TIAM1: variants seen among roughly 807,000 people sequenced by gnomAD.
The protein encoded by TIAM1 is rho guanine nucleotide exchange factor TIAM1.
In TIAM1, 65 loss-of-function variants were observed where a neutral mutation model predicts 163.5. That is an observed-to-expected ratio of 0.40 (90% confidence interval 0.33 to 0.49). The LOEUF is 0.49. Among genes scored for constraint, TIAM1 ranks in the 20% least tolerant of loss-of-function variants. TIAM1 has a pLI of 0.77. For synonymous variants in TIAM1, 833 were observed against 810.1 expected (o/e 1.03, Z -0.48); for missense variants, 1,789 against 2,044.7 (o/e 0.87, Z 2.41).
intron 2 of TIAM1, among the ~76,000 whole-genome samples, chr21:31,442,175 G>T (rs2044458193): frequency 6.8e-6 from 1 of 146,814 alleles, no homozygotes; most frequent in Non-Finnish European, 1.5e-5. Flanking sequence ...GCCAAGGAGT[G>T]AAGCTGAGAG....
intron 2 of TIAM1, among the ~76,000 whole-genome samples, chr21:31,430,424 T>G (rs184770012): frequency 1.1e-4 from 17 of 151,806 alleles, no homozygotes; most frequent in African/African-American, 3.9e-4. Context: ...ACTTGTTAAA[T>G]GAATATTTAC....
intron 1 of TIAM1, among the ~76,000 whole-genome samples, chr21:31,524,173 T>C (rs1364364600): frequency 6.6e-6 from 1 of 152,138 alleles, no homozygotes; most frequent in Non-Finnish European, 1.5e-5. Context: ...GGGTAATTTA[T>C]ATAGAAAAGA....
chr21:31,337,335 GGTA>G (rs1218740166), intron 2 of TIAM1, among the ~76,000 whole-genome samples: 3 of 151,950 alleles, frequency 2.0e-5, no homozygotes, highest in Non-Finnish European at 4.4e-5. Flanking sequence ...GAGACTACCA[GGTA>G]GTTGGCCAAA....
At chr21:31,507,876 TG>T (rs1287154809) in intron 1 of TIAM1, among the ~76,000 whole-genome samples, 1 of 152,176 alleles carries the variant, frequency 6.6e-6, no homozygotes, top group African/African-American at 2.4e-5. Context: ...AAAGATATGC[TG>T]AAGTCCTACC....
intron 2 of TIAM1, among the ~76,000 whole-genome samples, chr21:31,402,826 C>T (rs1418325052): frequency 6.6e-6 from 1 of 152,080 alleles, no homozygotes; most frequent in African/African-American, 2.4e-5. Flanking sequence ...GTAGCAGGCA[C>T]CTGTAGTCCC....
chr21:31,218,842 AT>A (rs1397082127), intron 8 of TIAM1, among the ~76,000 whole-genome samples: 1 of 152,070 alleles, frequency 6.6e-6, no homozygotes, highest in African/African-American at 2.4e-5. Context: ...CTTTTCAAGG[AT>A]GGCAGAATAA....
chr21:31,132,710 C>G (rs1365467324), intron 23 of TIAM1, among the ~76,000 whole-genome samples: 2 of 152,150 alleles, frequency 1.3e-5, no homozygotes, highest in Non-Finnish European at 2.9e-5. Flanking sequence ...CAGCCTCTCC[C>G]TTAAACTTTC....
At chr21:31,270,703 A>G (rs1001710271) in intron 3 of TIAM1, among the ~76,000 whole-genome samples, 1 of 152,190 alleles carries the variant, frequency 6.6e-6, no homozygotes, top group African/African-American at 2.4e-5. Context: ...TTCTTAAAAC[A>G]CTATGAGATT....
chr21:31,134,129 C>A (rs1352093428), intron 23 of TIAM1, among the ~76,000 whole-genome samples: 1 of 152,056 alleles, frequency 6.6e-6, no homozygotes, highest in African/African-American at 2.4e-5. Context: ...CCCATTTTCT[C>A]CTACTTAAAT....
At chr21:31,430,131 G>A (rs1402684413) in intron 2 of TIAM1, among the ~76,000 whole-genome samples, 2 of 150,972 alleles carry the variant, frequency 1.3e-5, no homozygotes, top group Non-Finnish European at 2.9e-5. Flanking sequence ...GCTTGAACCC[G>A]GGAGATGGAG....
At chr21:31,197,399 G>A (rs970459486) in intron 12 of TIAM1, among the ~76,000 whole-genome samples, 4 of 146,002 alleles carry the variant, frequency 2.7e-5, no homozygotes, top group Non-Finnish European at 4.5e-5. Context: ...TTTTTGAGAC[G>A]GAGTCTCGCT....
chr21:31,199,454 C>A (rs1489540101), intron 12 of TIAM1, among the ~76,000 whole-genome samples: 1 of 151,948 alleles, frequency 6.6e-6, no homozygotes, highest in Non-Finnish European at 1.5e-5. Flanking sequence ...CCTCCTCAAA[C>A]ACCAGGTAAG....
At chr21:31,444,930 G>A (rs538819478) in intron 2 of TIAM1, among the ~76,000 whole-genome samples, 4 of 152,142 alleles carry the variant, frequency 2.6e-5, no homozygotes, top group South Asian at 2.1e-4. Context: ...CCTGGGAGGC[G>A]GAGGTTGCAG....
chr21:31,241,536 C>T (rs2833348), intron 6 of TIAM1, among the ~76,000 whole-genome samples: 35,990 of 152,108 alleles, frequency 0.24, 6,886 homozygotes, highest in African/African-American at 0.5. Context: ...CTAAATATTT[C>T]ACAGATTTTA....
At position 31,475,025 on chromosome 21, in the gene TIAM1, TTTA is replaced by T. The variant is rs550390061; in HGVS notation, c.-421-10993_-421-10991del. Among the ~76,000 whole-genome samples the T allele has an allele frequency of 3.8e-3, 448 of 118,676 alleles. 1 individual carries two copies. Among genetic ancestry groups the T allele is most frequent in the South Asian group, 8.7e-3 (34 of 3,922 alleles). The allele number at this position is 118,676 out of a possible 152,430, so 77.9% of individuals were successfully genotyped here. ...CATATAAGTTGCTGTGAGCTAGTTT[TTTA>T]TTATTATTATTATTATTATTATTAT... On this transcript the variant is annotated intron_variant, in intron 1 of 28. Coordinates refer to the TIAM1 transcript ENST00000286827.
At chr21:31,296,874 A>G (rs1054274628) in intron 2 of TIAM1, among the ~76,000 whole-genome samples, 6 of 152,192 alleles carry the variant, frequency 3.9e-5, no homozygotes, top group African/African-American at 7.2e-5. Flanking sequence ...CGTGTTAGCC[A>G]GGATGGTCTT....
chr21:31,477,813 G>A (rs1461452115), intron 1 of TIAM1, among the ~76,000 whole-genome samples: 1 of 152,158 alleles, frequency 6.6e-6, no homozygotes, highest in African/African-American at 2.4e-5. Flanking sequence ...GAGGAAGGAA[G>A]GCAGCATGTT....
chr21:31,215,125 A>C (rs2087108162), intron 9 of TIAM1, among the ~76,000 whole-genome samples: 1 of 152,110 alleles, frequency 6.6e-6, no homozygotes, highest in African/African-American at 2.4e-5. Flanking sequence ...ATTCAGTCAT[A>C]TATTTCAGTA....
chr21:31,477,615 T>C (rs1021232057), intron 1 of TIAM1, among the ~76,000 whole-genome samples: 46 of 151,774 alleles, frequency 3.0e-4, no homozygotes, highest in African/African-American at 9.0e-4. Flanking sequence ...GCTAGGAGTA[T>C]AGGTGCACGC....
Sources: allele counts gnomAD v4.1 joint callset (sites outside exome capture counted in the v4.1 genomes callset), GRCh38; gene constraint gnomAD v4.1.1; transcripts MANE v1.5; gene names NCBI Gene and HGNC (gene_info 2026-07-23, HGNC 2026-07-21).